PMEPA1: variants seen among roughly 807,000 people sequenced by gnomAD.
PMEPA1 encodes prostate transmembrane protein, androgen induced 1.
PMEPA1 carries 11 observed loss-of-function variants against 23.0 expected under a neutral mutation model. The ratio of observed to expected loss-of-function variants is 0.48; its 90% CI spans 0.30 to 0.79. The LOEUF is 0.79. PMEPA1 is among the 30% of genes least tolerant of loss of function. PMEPA1 has a pLI of 0.06. For synonymous variants in PMEPA1, 204 were observed against 166.4 expected (o/e 1.23, Z -1.74); for missense variants, 377 against 390.9 (o/e 0.96, Z 0.30).
At position 57,648,554 on chromosome 20, in the gene PMEPA1, C is replaced by A. The variant is rs918847983; in HGVS notation, c.*3499G>T. ...CGCAGCGGGGACGTGGGTGCGCGCC[C>A]CGCATGCCACGGAAAGCTTACATAA... On this transcript the variant is annotated 3_prime_UTR_variant, in exon 4 of 4. Transcript: ENST00000341744. The A allele has an allele frequency of 1.3e-5, 2 of 152,646 alleles. No homozygotes were observed. The highest frequency in any genetic ancestry group is 2.9e-5 in the Non-Finnish European group (2 of 68,046). 9.5% of individuals were successfully genotyped at this position (152,646 alleles called of 1,614,324 possible).
At chr20:57,678,671 G>T (rs1273287039) in intron 1 of PMEPA1, among the ~76,000 whole-genome samples, 3 of 152,204 alleles carry the variant, frequency 2.0e-5, no homozygotes, top group Non-Finnish European at 4.4e-5. Flanking sequence ...CAGGTTTGAA[G>T]ATTAAATTCT....
chr20:57,710,268 C>G, upstream of PMEPA1: 2 of 614,172 alleles, frequency 3.3e-6, no homozygotes, highest in South Asian at 6.1e-5. Flanking sequence ...GGCGCACGCC[C>G]GGGGCCGGGG....
chr20:57,667,669 G>A (rs1419651287), intron 1 of PMEPA1, among the ~76,000 whole-genome samples: 2 of 152,222 alleles, frequency 1.3e-5, no homozygotes, highest in Non-Finnish European at 2.9e-5. Flanking sequence ...GAGGAATTAG[G>A]AATTGGCGCT....
rs574742818 is a variant in PMEPA1 at position 57,652,945 on chromosome 20, C to T, written c.318+88G>A. 1.8e-6 allele frequency: 2 copies of T among 1,125,278 alleles called. No individual in the cohort carries two copies. Among genetic ancestry groups the T allele is most frequent in the Middle Eastern group, 2.1e-4 (1 of 4,850 alleles). 69.7% of individuals were successfully genotyped at this position (1,125,278 alleles called of 1,614,324 possible). A position where few individuals can be genotyped will look rare whatever the true frequency, so the allele number is the denominator to read the frequency against. ...CTGCAGAGGAGGGCGGAGGGGTGAG[C>T]CTTTAGCAGCCCACACTGTTCCAGC... On this transcript the variant is annotated intron_variant, in intron 3 of 3. Coordinates refer to ENST00000341744, the MANE Select transcript of PMEPA1 (RefSeq NM_020182.5). This position sits in a 1 kb window ranked among gnomAD's most constrained non-coding sequence, Gnocchi z 6.1.
Position 57,682,110 on chromosome 20 carries a change from A to G in PMEPA1, c.110-22413T>C, listed in dbSNP as rs912171152. ...CAGGTCCTCCCATCTCCAGTGGCAC[A>G]GGGAAGGAGCTCACCTACTGGATAA... is the stretch of plus-strand genomic sequence containing the variant. On this transcript the variant is annotated intron_variant, in intron 1 of 3. Coordinates refer to ENST00000341744, the MANE Select transcript of PMEPA1 (RefSeq NM_020182.5). The surrounding 1 kb of genome is among the most constrained non-coding windows in gnomAD (Gnocchi z 4.4). Among the ~76,000 whole-genome samples the G allele has an allele frequency of 4.6e-5, 7 of 152,260 alleles. No individual in the cohort carries two copies. Among genetic ancestry groups the G allele is most frequent in the Non-Finnish European group, 8.8e-5 (6 of 68,052 alleles).
At position 57,709,933 on chromosome 20, in the gene PMEPA1, CG is replaced by C; in HGVS notation, c.-352del. The stretch of plus-strand genomic sequence containing the variant: ...CGAGCGCCTCCGCCGCCGCCGCCGC[CG>C]CCGCCTCCTCCTCCTCATTCAAGTC... On this transcript the variant is annotated 5_prime_UTR_variant, in exon 1 of 4. The change abolishes the stop of an existing upstream ORF in the 5' untranslated region. Coordinates refer to ENST00000341744, the MANE Select transcript of PMEPA1 (RefSeq NM_020182.5). 9.9e-7 allele frequency: 1 copy of C among 1,011,760 alleles called. No homozygotes were observed. The highest frequency in any genetic ancestry group is 1.2e-6 in the Non-Finnish European group (1 of 850,236). The allele number at this position is 1,011,760 out of a possible 1,614,324, so 62.7% of individuals were successfully genotyped here. A position where few individuals can be genotyped will look rare whatever the true frequency, so the allele number is the denominator to read the frequency against.
intron 2 of PMEPA1, among the ~76,000 whole-genome samples, chr20:57,653,379 G>GTAGC (rs2071281746): frequency 6.6e-6 from 1 of 152,184 alleles, no homozygotes; most frequent in Admixed American, 6.5e-5. Context: ...AAAGCTGCCT[G>GTAGC]TAGCTTCCCG....
intron 1 of PMEPA1, among the ~76,000 whole-genome samples, chr20:57,677,465 G>T (rs543458397): frequency 5.3e-5 from 8 of 152,174 alleles, no homozygotes; most frequent in African/African-American, 1.9e-4. Flanking sequence ...CGCTGTATCC[G>T]TGAGGGCTAA....
At chr20:57,709,379 G>C in intron 1 of PMEPA1, 95 bp downstream of exon 1, 3 of 893,730 alleles carry the variant, frequency 3.4e-6, no homozygotes, top group Non-Finnish European at 4.1e-6. Flanking sequence ...GGTCCGAGGG[G>C]GCGCGCAGGG....
chr20:57,696,617 G>A (rs1326880316), intron 1 of PMEPA1, among the ~76,000 whole-genome samples: 1 of 152,222 alleles, frequency 6.6e-6, no homozygotes, highest in Non-Finnish European at 1.5e-5. Context: ...TCACCGGCAA[G>A]AACCCAGAAA....
intron 1 of PMEPA1, among the ~76,000 whole-genome samples, chr20:57,703,906 A>C (rs1352948793): frequency 6.6e-6 from 1 of 152,138 alleles, no homozygotes; most frequent in African/African-American, 2.4e-5. Flanking sequence ...CACCCTCAGC[A>C]CAGGGACTAT....
Position 57,704,847 on chromosome 20 carries a change from G to A in PMEPA1, c.109+4627C>T. Among the ~76,000 whole-genome samples the A allele has an allele frequency of 6.6e-6, 1 of 152,220 alleles. No homozygotes were observed. Among genetic ancestry groups the A allele is most frequent in the East Asian group, 1.9e-4 (1 of 5,184 alleles). ...GGTGGCGGGTGCATCTTGCAGCATG[G>A]AGGCTTCCTTGGGGCTCCTGAGGGA... On this transcript the variant is annotated intron_variant, in intron 1 of 3. Coordinates refer to ENST00000341744, the MANE Select transcript of PMEPA1 (RefSeq NM_020182.5). The surrounding 1 kb of genome is among the most constrained non-coding windows in gnomAD (Gnocchi z 4.6).
At chr20:57,701,356 T>C (rs1470431465) in intron 1 of PMEPA1, among the ~76,000 whole-genome samples, 1 of 152,216 alleles carries the variant, frequency 6.6e-6, no homozygotes, top group Non-Finnish European at 1.5e-5. Flanking sequence ...ACTCCCAGTC[T>C]GCAGCAAGTG....
chr20:57,680,946 T>C (rs1450921573), intron 1 of PMEPA1, among the ~76,000 whole-genome samples: 4 of 152,130 alleles, frequency 2.6e-5, no homozygotes, highest in Non-Finnish European at 4.4e-5. Context: ...GGTCCTTCTC[T>C]GGAGGCAGGA....
At chr20:57,660,933 C>G (rs2071410070) in intron 1 of PMEPA1, among the ~76,000 whole-genome samples, 2 of 152,196 alleles carry the variant, frequency 1.3e-5, no homozygotes, top group African/African-American at 4.8e-5. Context: ...CCAACACACA[C>G]TTCCCAACAG....
chr20:57,685,472 A>G (rs1271507542), intron 1 of PMEPA1, among the ~76,000 whole-genome samples: 1 of 152,246 alleles, frequency 6.6e-6, no homozygotes, highest in Non-Finnish European at 1.5e-5. Context: ...TACAGCGCAC[A>G]GAGACGCGCT....
At position 57,710,015 on chromosome 20, in the gene PMEPA1, C is replaced by G. The variant is rs2072150808; in HGVS notation, c.-433G>C. ...GGTCGGAGGCAGGCAGACGGTCTGACGTCAGCGCTAGACGGGGCTGCCGGT... is the reference window on the plus strand; with the variant it reads ...GGTCGGAGGCAGGCAGACGGTCTGAGGTCAGCGCTAGACGGGGCTGCCGGT... On this transcript the variant is annotated 5_prime_UTR_variant, in exon 1 of 4. Transcript: ENST00000341744. 1 of 994,552 alleles carries G rather than the reference C, an allele frequency of 1.0e-6. No homozygotes were observed. The highest frequency in any genetic ancestry group is 1.2e-6 in the Non-Finnish European group (1 of 836,146). 61.6% of individuals were successfully genotyped at this position (994,552 alleles called of 1,614,324 possible).
intron 1 of PMEPA1, among the ~76,000 whole-genome samples, chr20:57,697,720 A>G (rs1277882537): frequency 6.6e-6 from 1 of 152,250 alleles, no homozygotes; most frequent in East Asian, 1.9e-4. Context: ...TTGCAGGCAG[A>G]GCCTAGATTT....
intron 1 of PMEPA1, among the ~76,000 whole-genome samples, chr20:57,675,441 A>G (rs1264202728): frequency 2.6e-5 from 4 of 152,196 alleles, no homozygotes; most frequent in Non-Finnish European, 4.4e-5. Flanking sequence ...CACTGCCATC[A>G]TGACCCACGT....
Sources: gnomAD v4.1 joint callset for allele counts (sites outside exome capture counted in the v4.1 genomes callset) on GRCh38, gnomAD v4.1.1 for gene constraint, Gnocchi (gnomAD v3.1) non-coding constraint, MANE v1.5 for transcripts, NCBI Gene and HGNC (gene_info 2026-07-23, HGNC 2026-07-21) for gene names.